THBS4: variants seen among roughly 807,000 people sequenced by gnomAD.
The protein encoded by THBS4 is thrombospondin-4.
In THBS4, 90 loss-of-function variants were observed where a neutral mutation model predicts 115.7. That is an observed-to-expected ratio of 0.78 (90% confidence interval 0.66 to 0.93). THBS4 has a LOEUF of 0.93. Among genes scored for constraint, THBS4 ranks in the 40% least tolerant of loss-of-function variants. The pLI is 0.00. For missense variants in THBS4, 1,087 were observed against 1,232.7 expected (o/e 0.88, Z 1.77); for synonymous variants, 460 against 479.3 (o/e 0.96, Z 0.53).
intron 1 of THBS4, among the ~76,000 whole-genome samples, chr5:80,039,249 T>C (rs1832816654): frequency 6.6e-6 from 1 of 152,240 alleles, no homozygotes; most frequent in Non-Finnish European, 1.5e-5. Context: ...CTAATAGATA[T>C]ACTAAATAAC....
At chr5:80,039,234 G>A (rs189898796) in intron 1 of THBS4, among the ~76,000 whole-genome samples, 18 of 152,234 alleles carry the variant, frequency 1.2e-4, no homozygotes, top group Middle Eastern at 3.4e-3. Flanking sequence ...TGATATTTGC[G>A]TCTGCTAATA....
intron 2 of THBS4, among the ~76,000 whole-genome samples, 176 bp downstream of exon 2, chr5:80,040,456 G>T (rs1002963039): frequency 8.2e-5 from 11 of 133,552 alleles, no homozygotes; most frequent in African/African-American, 3.0e-4. Context: ...GCGGGGGGGT[G>T]GGGGGCGGTT....
At chr5:80,076,608 T>C (rs550272057) in intron 15 of THBS4, among the ~76,000 whole-genome samples, 3 of 152,306 alleles carry the variant, frequency 2.0e-5, no homozygotes, top group African/African-American at 7.2e-5. Context: ...TGGTCATAAA[T>C]CATAGAAATA....
chr5:80,080,734 G>A (rs370604481), intron 20 of THBS4, among the ~76,000 whole-genome samples: 15 of 151,668 alleles, frequency 9.9e-5, no homozygotes, highest in Non-Finnish European at 1.5e-4. Flanking sequence ...TTACAGGCAC[G>A]CGCCATCACG....
rs776261874 is a variant in THBS4, at chr5:80,035,914, G to T, written c.88+289G>T. 1.0e-6 allele frequency: 1 copy of T among 987,228 alleles called. No homozygotes were observed. The highest frequency in any genetic ancestry group is 1.3e-6 in the Non-Finnish European group (1 of 793,390). 61.2% of individuals were successfully genotyped at this position (987,228 alleles called of 1,614,324 possible). ...GGGTTGCCTTCAAAACTTGCTACAC[G>T]GTCCTAGACCTCTTAACATGTTAGG... is the stretch of plus-strand genomic sequence containing the variant. On this transcript the variant is annotated intron_variant, in intron 1 of 21. Transcript: ENST00000350881. This position sits in a 1 kb window ranked among gnomAD's most constrained non-coding sequence, Gnocchi z 4.6.
At chr5:80,035,022 T>C (rs114963482), upstream of THBS4, among the ~76,000 whole-genome samples, 666 of 152,168 alleles carry the variant, frequency 4.4e-3, 8 homozygotes, top group African/African-American at 0.013. The surrounding 1 kb of genome is among the most constrained non-coding windows in gnomAD (Gnocchi z 4.6). Flanking sequence ...TGGGTCAGTG[T>C]CACTTTCTTC....
intron 15 of THBS4, among the ~76,000 whole-genome samples, 182 bp downstream of exon 15, chr5:80,073,509 A>G (rs973518562): frequency 3.3e-5 from 5 of 151,546 alleles, no homozygotes; most frequent in Non-Finnish European, 5.9e-5. Flanking sequence ...TCAGCCTCCC[A>G]AGTAGCTGGG....
intron 2 of THBS4, among the ~76,000 whole-genome samples, chr5:80,020,644 G>C (rs546537404): frequency 1.3e-5 from 2 of 152,162 alleles, no homozygotes; most frequent in Non-Finnish European, 2.9e-5. Flanking sequence ...TCTTCCTCTG[G>C]TGTGATAGCA....
At chr5:80,045,587 A>G (rs1833038179) in intron 2 of THBS4, among the ~76,000 whole-genome samples, 1 of 150,292 alleles carries the variant, frequency 6.7e-6, no homozygotes, top group South Asian at 2.1e-4. Flanking sequence ...TTGGAGTGCA[A>G]TGGCGCGATC....
chr5:80,029,134 C>T (rs1832537129), intron 2 of THBS4, among the ~76,000 whole-genome samples: 1 of 152,132 alleles, frequency 6.6e-6, no homozygotes, highest in Non-Finnish European at 1.5e-5. Flanking sequence ...TCCAAAATTC[C>T]CAGCTACTTG....
upstream of THBS4, among the ~76,000 whole-genome samples, chr5:80,031,127 G>A (rs532094581): frequency 3.3e-5 from 5 of 152,210 alleles, no homozygotes; most frequent in East Asian, 1.9e-4. Flanking sequence ...CACATAATAC[G>A]TTTTTTTGGG....
chr5:80,024,624 T>G (rs1832439673), intron 2 of THBS4, among the ~76,000 whole-genome samples: 1 of 152,226 alleles, frequency 6.6e-6, no homozygotes, highest in South Asian at 2.1e-4. Context: ...CATAGCATTA[T>G]GATTCCTTCA....
At chr5:80,010,564 C>A (rs1025982857) in intron 2 of THBS4, among the ~76,000 whole-genome samples, 2 of 152,226 alleles carry the variant, frequency 1.3e-5, no homozygotes, top group Non-Finnish European at 1.5e-5. Context: ...GAGAGGCCAG[C>A]AAATAGCTTT....
At chr5:80,033,790 A>G (rs1247450784), upstream of THBS4, among the ~76,000 whole-genome samples, 1 of 152,184 alleles carries the variant, frequency 6.6e-6, no homozygotes, top group Non-Finnish European at 1.5e-5. Context: ...GTGATATAGC[A>G]TATTGCTGCT....
At chr5:80,008,965 G>T (rs1410047820) in intron 2 of THBS4, among the ~76,000 whole-genome samples, 2 of 152,188 alleles carry the variant, frequency 1.3e-5, no homozygotes, top group Non-Finnish European at 2.9e-5. Context: ...ATTTTATGTA[G>T]CCTTTATTTT....
At chr5:80,012,063 C>A (rs528443670) in intron 2 of THBS4, among the ~76,000 whole-genome samples, 5 of 152,008 alleles carry the variant, frequency 3.3e-5, no homozygotes, top group South Asian at 4.2e-4. Flanking sequence ...TGCACCAAAC[C>A]CCCATGACAT....
At chr5:80,027,894 CAAAA>C (rs1159986888) in intron 2 of THBS4, among the ~76,000 whole-genome samples, 26 of 47,712 alleles carry the variant, frequency 5.4e-4, no homozygotes, top group South Asian at 1.7e-3. Flanking sequence ...ACCCTGTCTC[CAAAA>C]AAAAAAAAAA....
intron 15 of THBS4, 74 bp downstream of exon 15, chr5:80,073,401 T>G: frequency 7.3e-7 from 1 of 1,374,840 alleles, no homozygotes; most frequent in Non-Finnish European, 1.0e-6. Context: ...TTTTTTTTTT[T>G]GAGGCGGAGT....
At chr5:80,006,489 G>C (rs1832022411) in intron 2 of THBS4, among the ~76,000 whole-genome samples, 1 of 152,232 alleles carries the variant, frequency 6.6e-6, no homozygotes, top group Non-Finnish European at 1.5e-5. Context: ...ATGTGGAACT[G>C]TAAGTCCAAT....
Sources: allele counts gnomAD v4.1 joint callset (sites outside exome capture counted in the v4.1 genomes callset), GRCh38; gene constraint gnomAD v4.1.1; non-coding constraint Gnocchi (gnomAD v3.1); transcripts MANE v1.5; gene names NCBI Gene and HGNC (gene_info 2026-07-23, HGNC 2026-07-21).